FREM2: variants seen among roughly 807,000 people sequenced by gnomAD.
FREM2 encodes the protein FRAS1-related extracellular matrix protein 2.
Under a neutral mutation model 219.9 loss-of-function variants are expected in FREM2, and 119 were observed. The ratio of observed to expected loss-of-function variants is 0.54; its 90% confidence interval spans 0.47 to 0.63. The LOEUF is 0.63. Among genes scored for constraint, FREM2 ranks in the 30% least tolerant of loss-of-function variants. The pLI is 0.00. For missense variants in FREM2, 4,030 were observed against 3,993.6 expected (o/e 1.01, Z -0.25); for synonymous variants, 1,562 against 1,522.8 (o/e 1.03, Z -0.60).
intron 6 of FREM2, among the ~76,000 whole-genome samples, chr13:38,822,347 C>CTTTTTTT (rs951562767): frequency 1.0e-5 from 1 of 100,046 alleles, no homozygotes; most frequent in Non-Finnish European, 2.3e-5. Flanking sequence ...TTCTTTCTTT[C>CTTTTTTT]TTTTTTTTTT....
chr13:38,691,543 A>G lies in FREM2; in HGVS notation c.4199A>G (p.Asp1400Gly). The change falls in exon 1 of 24, where the codon GAT becomes GGT. Residue 1400 changes from aspartate to glycine, a missense_variant. Asp to Gly is a moderately conservative substitution (Grantham distance 94). Transcript: ENST00000280481. ...IRDLIKFDVT[D>G]GINPLIDRYF... The stretch of plus-strand genomic sequence containing the variant: ...GACCTAATTAAATTTGATGTGACTG[A>G]TGGAATAAATCCCCTCATAGATCGT... 1 of 1,614,144 alleles carries G rather than the reference A, an allele frequency of 6.2e-7. No homozygotes were observed.
rs772840915 is a variant in FREM2, at chr13:38,692,105, A to G, written c.4761A>G (p.Arg1587=). Residue 1587 remains arginine (R), a synonymous_variant, in exon 1 of 24, where the codon AGA becomes AGG. Coordinates refer to ENST00000280481, the MANE Select transcript of FREM2 (RefSeq NM_207361.6). ...GCCATCTCCTATTCAACAATACCAG[A>G]CCTGTCATGGTTTTTACCAAGCAAG... The part of the protein sequence containing the change: ...IHGHLLFNNT[R]PVMVFTKQDL... 1.9e-6 allele frequency: 3 copies of G among 1,614,022 alleles called. No individual in the cohort carries two copies. The African/African-American group carries it at 4.0e-5, about 22-fold the overall frequency.
chr13:38,719,339 C>T (rs1593363633), intron 2 of FREM2, among the ~76,000 whole-genome samples: 5 of 152,122 alleles, frequency 3.3e-5, no homozygotes, highest in Admixed American at 3.3e-4. Flanking sequence ...TCCTGCCTCA[C>T]CCTCCCGAGT....
At chr13:38,697,550 CTGAGAAA>C in intron 1 of FREM2, 141 bp from the exon 2 acceptor site, 1 of 652,330 alleles carries the variant, frequency 1.5e-6, no homozygotes, top group Non-Finnish European at 2.8e-6. Context: ...GCTTAGAGAT[CTGAGAAA>C]TAAGACAGCA....
Position 38,690,563 on chromosome 13 carries a change from A to G in FREM2, c.3219A>G (p.Glu1073=). 6.2e-7 allele frequency: 1 copy of G among 1,614,178 alleles called. No individual in the cohort carries two copies. The highest frequency in any genetic ancestry group is 2.2e-5 in the East Asian group (1 of 44,874). ...DSQAPEIFVG[E]QLIVMEGDKS... ...AGGCCCCAGAAATCTTTGTAGGTGA[A>G]CAGTTGATAGTAATGGAAGGTGATA... The change falls in exon 1 of 24, where the codon GAA becomes GAG. Residue 1073 remains glutamate, a synonymous_variant. Coordinates refer to ENST00000280481, the MANE Select transcript of FREM2 (RefSeq NM_207361.6).
chr13:38,816,922 C>G, intron 6 of FREM2, among the ~76,000 whole-genome samples: 1 of 151,992 alleles, frequency 6.6e-6, no homozygotes, highest in East Asian at 1.9e-4. Flanking sequence ...TCTATATGCT[C>G]TTAGTGAACT....
intron 2 of FREM2, among the ~76,000 whole-genome samples, chr13:38,741,738 A>T (rs948164751): frequency 6.6e-6 from 1 of 152,196 alleles, no homozygotes; most frequent in Non-Finnish European, 1.5e-5. Flanking sequence ...CTCATCAGTC[A>T]TAGAAAGTAA....
chr13:38,774,099 T>C (rs1185865592), intron 4 of FREM2, among the ~76,000 whole-genome samples: 1 of 152,032 alleles, frequency 6.6e-6, no homozygotes, highest in African/African-American at 2.4e-5. Flanking sequence ...AAAGAAGTAA[T>C]ATCCCAAATC....
chr13:38,824,428 C>T (rs1235771073), intron 6 of FREM2, among the ~76,000 whole-genome samples: 3 of 152,000 alleles, frequency 2.0e-5, no homozygotes, highest in Admixed American at 6.6e-5. Context: ...AAATAAAGAC[C>T]GTGGCATTTT....
chr13:38,811,256 CT>C (rs1227148254), intron 6 of FREM2, among the ~76,000 whole-genome samples: 3 of 151,688 alleles, frequency 2.0e-5, no homozygotes, highest in Non-Finnish European at 4.4e-5. Flanking sequence ...TCAATAACAA[CT>C]TTTTGTTTTA....
intron 20 of FREM2, 133 bp from the exon 21 acceptor site, chr13:38,876,984 T>A: frequency 9.5e-7 from 1 of 1,057,864 alleles, no homozygotes; most frequent in Non-Finnish European, 1.5e-6. Flanking sequence ...TGAGTTAGCT[T>A]GGTAGGGTGT....
At chr13:38,791,713 C>G (rs1431787339) in intron 6 of FREM2, among the ~76,000 whole-genome samples, 1 of 152,148 alleles carries the variant, frequency 6.6e-6, no homozygotes, top group African/African-American at 2.4e-5. Context: ...CTGGTCCTGC[C>G]CTTGTCACAT....
At position 38,752,888 on chromosome 13, in the gene FREM2, CAG is replaced by C. The variant is rs771550088; in HGVS notation, c.5264-11413_5264-11412del. Among the ~76,000 whole-genome samples the C allele has an allele frequency of 4.6e-5, 7 of 152,106 alleles. No individual in the cohort carries two copies. The South Asian group carries it at 1.2e-3, about 27-fold the overall frequency. On this transcript the variant is annotated intron_variant, in intron 2 of 23. Transcript: ENST00000280481. ...AGAGAACCACTGCTTTCCTTTAGCT[CAG>C]AGTCTCCTTTGGGGTGCGGGGAGAA...
chr13:38,847,690 G>T (rs955474571), intron 7 of FREM2, among the ~76,000 whole-genome samples: 1 of 152,064 alleles, frequency 6.6e-6, no homozygotes. Context: ...TGCACATTTG[G>T]AGGTAAAGTA....
chr13:38,697,645 A>G (rs1467572571), intron 1 of FREM2, 53 bp from the exon 2 acceptor site: 3 of 1,022,332 alleles, frequency 2.9e-6, no homozygotes, highest in East Asian at 2.4e-5. Context: ...ACCATAATGA[A>G]TCATCAATTT....
At chr13:38,743,606 A>G (rs1454193352) in intron 2 of FREM2, among the ~76,000 whole-genome samples, 1 of 152,186 alleles carries the variant, frequency 6.6e-6, no homozygotes, top group Admixed American at 6.5e-5. Context: ...AAAGTCTTGT[A>G]CTTCTCAATA....
At chr13:38,814,047 T>A (rs1875654553) in intron 6 of FREM2, among the ~76,000 whole-genome samples, 1 of 152,146 alleles carries the variant, frequency 6.6e-6, no homozygotes, top group Non-Finnish European at 1.5e-5. Flanking sequence ...TGATTCTTTT[T>A]TAATTATTTT....
rs1566110052 is a variant in FREM2, at chr13:38,701,815, C to T, written c.5263+4028C>T. On this transcript the variant is annotated intron_variant, in intron 2 of 23. Coordinates refer to ENST00000280481, the MANE Select transcript of FREM2 (RefSeq NM_207361.6). ...TAGTCTCACTCTTTTTTATGCTTTT[C>T]TCCCCAACTTTATTTACAGTAAAAA... is the stretch of plus-strand genomic sequence containing the variant. Among the ~76,000 whole-genome samples, 3 of 152,186 alleles carry T rather than the reference C, an allele frequency of 2.0e-5. No homozygotes were observed. The East Asian group carries it at 5.8e-4, about 29-fold the overall frequency.
At position 38,880,945 on chromosome 13, in the gene FREM2, A is replaced by G. The variant is rs1878524725; in HGVS notation, c.*158A>G. 4.3e-6 allele frequency: 4 copies of G among 931,408 alleles called. No individual in the cohort carries two copies. The highest frequency in any genetic ancestry group is 1.6e-5 in the African/African-American group (1 of 61,198). The allele number at this position is 931,408 out of a possible 1,614,324, so 57.7% of individuals were successfully genotyped here. On this transcript the variant is annotated 3_prime_UTR_variant, in exon 24 of 24. Transcript: ENST00000280481. ...TAATGGAGTTTGATTTGAATTCTCC[A>G]TACTCTTTTTTGCATCAAAGGACAA...
Sources: gnomAD v4.1 joint callset for allele counts (sites outside exome capture counted in the v4.1 genomes callset) on GRCh38, gnomAD v4.1.1 for gene constraint, MANE v1.5 for transcripts, NCBI Gene and HGNC (gene_info 2026-07-23, HGNC 2026-07-21) for gene names.